NHSL1: variants seen among roughly 807,000 people sequenced by gnomAD.
NHSL1 encodes the protein NHS-like protein 1.
NHSL1 carries 48 observed loss-of-function variants against 95.0 expected under a neutral mutation model. The ratio of observed to expected loss-of-function variants is 0.51; its 90% CI spans 0.40 to 0.64. The LOEUF (loss-of-function observed/expected upper bound fraction) is 0.64. Among genes scored for constraint, NHSL1 ranks in the 30% least tolerant of loss-of-function variants. The pLI is 0.00. For synonymous variants in NHSL1, 783 were observed against 833.9 expected, an observed-to-expected ratio of 0.94 and a Z score of 1.05; for missense variants, 1,971 against 2,077.7, an observed-to-expected ratio of 0.95 and a Z score of 1.00.
chr6:138,603,497 C>T (rs934797736), intron 1 of NHSL1, among the ~76,000 whole-genome samples: 2 of 152,188 alleles, frequency 1.3e-5, no homozygotes, highest in Admixed American at 6.5e-5. Context: ...GGTCTTTTAA[C>T]AGACAATTCC....
At chr6:138,653,322 G>A (rs565704457) in intron 1 of NHSL1, among the ~76,000 whole-genome samples, 20 of 152,142 alleles carry the variant, frequency 1.3e-4, no homozygotes, top group Non-Finnish European at 2.5e-4. Flanking sequence ...TTGGGAGGCC[G>A]AGGAGGGTGG....
At chr6:138,464,180 G>A (rs1001726169) in intron 3 of NHSL1, 2 of 685,686 alleles carry the variant, frequency 2.9e-6, no homozygotes, top group African/African-American at 3.7e-5. Flanking sequence ...GTTATACCTG[G>A]GCACCAGGGG....
At chr6:138,437,820 G>A (rs1458869998) in intron 5 of NHSL1, among the ~76,000 whole-genome samples, 3 of 152,194 alleles carry the variant, frequency 2.0e-5, no homozygotes, top group Non-Finnish European at 4.4e-5. Context: ...AGTGACTCCA[G>A]ATGTGGTAGA....
chr6:138,665,547 A>G (rs1283025100), intron 1 of NHSL1, among the ~76,000 whole-genome samples: 1 of 152,242 alleles, frequency 6.6e-6, no homozygotes, highest in Non-Finnish European at 1.5e-5. Context: ...CCTGACTCAC[A>G]GTGCTGCTCA....
chr6:138,581,388 A>G (rs890224405), intron 1 of NHSL1, among the ~76,000 whole-genome samples: 8 of 152,132 alleles, frequency 5.3e-5, no homozygotes, highest in Admixed American at 3.3e-4. Flanking sequence ...AACAACTAGC[A>G]ACTCAGAGAA....
chr6:138,677,647 T>C (rs902921427), intron 1 of NHSL1, among the ~76,000 whole-genome samples: 1 of 152,144 alleles, frequency 6.6e-6, no homozygotes, highest in Non-Finnish European at 1.5e-5. Context: ...GCAGCTCCAA[T>C]CACTGCCCCA....
At chr6:138,632,179 G>A (rs1327191442) in intron 1 of NHSL1, among the ~76,000 whole-genome samples, 1 of 152,192 alleles carries the variant, frequency 6.6e-6, no homozygotes, top group Non-Finnish European at 1.5e-5. Flanking sequence ...GCGTCTTGTG[G>A]TTTGAGTGCC....
intron 1 of NHSL1, among the ~76,000 whole-genome samples, chr6:138,538,653 A>G (rs1175115332): frequency 1.3e-5 from 2 of 152,234 alleles, no homozygotes; most frequent in Non-Finnish European, 2.9e-5. Context: ...AACCTTGCAC[A>G]GTTCACTCAG....
upstream of NHSL1, among the ~76,000 whole-genome samples, chr6:138,546,440 A>AC (rs1782801211): frequency 7.7e-4 from 100 of 129,044 alleles, 1 homozygote; most frequent in African/African-American, 4.1e-3. Flanking sequence ...AAAAAAAAAA[A>AC]AAAAAAAAAA....
intron 1 of NHSL1, among the ~76,000 whole-genome samples, chr6:138,666,295 C>T (rs1226324863): frequency 6.6e-6 from 1 of 151,426 alleles, no homozygotes; most frequent in Non-Finnish European, 1.5e-5. Flanking sequence ...AAGGGCGAAA[C>T]TCCGTCTCAA....
chr6:138,431,200 C>T lies in NHSL1; in HGVS notation c.3145G>A (p.Gly1049Arg). The change falls in exon 6 of 8, where the codon GGA becomes AGA. Residue 1049 changes from glycine to arginine, a missense_variant. Physicochemically the swap from Gly to Arg is moderately radical, Grantham distance 125. Transcript: ENST00000343505. This position sits in a 1 kb window ranked among gnomAD's most constrained non-coding sequence, Gnocchi z 4.0. ...TNSGQPESSR[G>R]SLRPPSTKEE... ...TTGGTAGAAGGCGGCCTCAAGGATC[C>T]CCGGGAGGATTCTGGCTGGCCAGAA... is the stretch of plus-strand genomic sequence containing the variant. 6.5e-7 allele frequency: 1 copy of T among 1,540,808 alleles called. No homozygotes were observed.
exon 1 of NHSL1, chr6:138,572,067 T>C (rs554840491): frequency 3.3e-6 from 2 of 602,662 alleles, no homozygotes; most frequent in East Asian, 5.7e-5. Flanking sequence ...GGCTTCTGTG[T>C]CACCCAATTA....
At chr6:138,555,501 T>C (rs1183690182) in intron 1 of NHSL1, among the ~76,000 whole-genome samples, 1 of 152,194 alleles carries the variant, frequency 6.6e-6, no homozygotes, top group East Asian at 1.9e-4. Flanking sequence ...GGGACTTCAG[T>C]TCCTAACAAA....
At chr6:138,507,390 A>G (rs1781015531) in intron 1 of NHSL1, among the ~76,000 whole-genome samples, 1 of 152,230 alleles carries the variant, frequency 6.6e-6, no homozygotes, top group Non-Finnish European at 1.5e-5. Flanking sequence ...TCAAATAATT[A>G]ACACTACTAC....
chr6:138,501,396 C>T (rs1436563752), upstream of NHSL1, among the ~76,000 whole-genome samples: 1 of 152,058 alleles, frequency 6.6e-6, no homozygotes, highest in Admixed American at 6.6e-5. Context: ...GAGTTGAGTG[C>T]AACAGACAAA....
At chr6:138,487,553 C>T (rs1450439452) in intron 2 of NHSL1, among the ~76,000 whole-genome samples, 1 of 152,210 alleles carries the variant, frequency 6.6e-6, no homozygotes, top group Non-Finnish European at 1.5e-5. Flanking sequence ...TAGGCTCAGC[C>T]ATCGGTAATA....
chr6:138,555,666 C>T (rs1783170798), intron 1 of NHSL1, among the ~76,000 whole-genome samples: 1 of 152,168 alleles, frequency 6.6e-6, no homozygotes, highest in South Asian at 2.1e-4. Flanking sequence ...CCTCTTTTGT[C>T]TTTGCTATGG....
At chr6:138,634,068 A>G (rs1784856961) in intron 1 of NHSL1, among the ~76,000 whole-genome samples, 1 of 152,222 alleles carries the variant, frequency 6.6e-6, no homozygotes, top group Non-Finnish European at 1.5e-5. Flanking sequence ...CATAAAAGAT[A>G]CACAAAAAAT....
At chr6:138,526,093 CAAAAAA>C (rs10681744) in intron 1 of NHSL1, among the ~76,000 whole-genome samples, 1 of 109,868 alleles carries the variant, frequency 9.1e-6, no homozygotes, top group African/African-American at 3.3e-5. Context: ...ACTCTGTCTC[CAAAAAA>C]AAAAAAAAAG....
Sources: gnomAD v4.1 joint callset for allele counts (sites outside exome capture counted in the v4.1 genomes callset) on GRCh38, gnomAD v4.1.1 for gene constraint, Gnocchi (gnomAD v3.1) non-coding constraint, MANE v1.5 for transcripts, NCBI Gene and HGNC (gene_info 2026-07-23, HGNC 2026-07-21) for gene names.